Variants in PXDN observed in about 807,000 individuals in gnomAD.
The protein encoded by PXDN is peroxidasin.
PXDN carries 77 observed loss-of-function variants against 140.3 expected under a neutral mutation model. That is an observed-to-expected ratio of 0.55 (90% CI 0.46 to 0.66). The LOEUF is 0.66. Among genes scored for constraint, PXDN ranks in the 30% least tolerant of loss-of-function variants. The pLI is 0.00. For synonymous variants in PXDN, 911 were observed against 857.4 expected, an observed-to-expected ratio of 1.06 and a Z score of -1.09; for missense variants, 1,838 against 2,039.5, an observed-to-expected ratio of 0.90 and a Z score of 1.90.
intron 14 of PXDN, among the ~76,000 whole-genome samples, chr2:1,659,728 TTAATTTTAC>T (rs1683259032): frequency 1.3e-5 from 2 of 152,052 alleles, no homozygotes; most frequent in African/African-American, 4.8e-5. Flanking sequence ...AATTTTACAC[TTAATTTTAC>T]ATCAACTTTA....
intron 1 of PXDN, among the ~76,000 whole-genome samples, chr2:1,740,377 GACTC>G (rs1249623465): frequency 6.6e-6 from 1 of 152,128 alleles, no homozygotes; most frequent in Non-Finnish European, 1.5e-5. Context: ...GGACCCATGT[GACTC>G]ACTCAGGCGA....
chr2:1,657,773 T>C (rs1227991871), intron 14 of PXDN, among the ~76,000 whole-genome samples: 1 of 131,946 alleles, frequency 7.6e-6, no homozygotes, highest in Non-Finnish European at 1.5e-5. Flanking sequence ...AGTCCTTTCC[T>C]GACAGGAACC....
At position 1,635,106 on chromosome 2, in the gene PXDN, A is replaced by G. The variant is rs1682514497; in HGVS notation, c.4320+302T>C. ...TCCATGGCATGAGTATTCCTGCCAC[A>G]GCTGGTGGGAGGTGAAGCCAGTGCA... is the stretch of plus-strand genomic sequence containing the variant. On this transcript the variant is annotated intron_variant, in intron 22 of 22. Coordinates refer to ENST00000252804, the MANE Select transcript of PXDN (RefSeq NM_012293.3). Among the ~76,000 whole-genome samples, 3 of 150,516 alleles carry G rather than the reference A, an allele frequency of 2.0e-5. No homozygotes were observed. The South Asian group carries it at 6.2e-4, about 31-fold the overall frequency.
chr2:1,716,283 C>T (rs1038332830), intron 1 of PXDN, among the ~76,000 whole-genome samples: 2 of 151,724 alleles, frequency 1.3e-5, no homozygotes, highest in Non-Finnish European at 2.9e-5. Context: ...TATAAAAATA[C>T]AAAAATTAGC....
chr2:1,667,357 T>C (rs1376938701), intron 9 of PXDN, among the ~76,000 whole-genome samples: 1 of 152,016 alleles, frequency 6.6e-6, no homozygotes, highest in African/African-American at 2.4e-5. Context: ...AAAGGGGATA[T>C]CACCCCTGAT....
chr2:1,732,423 C>CAT (rs1558531359), intron 1 of PXDN, among the ~76,000 whole-genome samples: 2 of 149,994 alleles, frequency 1.3e-5, no homozygotes, highest in African/African-American at 4.9e-5. Flanking sequence ...CACACACACA[C>CAT]GGGGCCAGAA....
chr2:1,686,569 A>G (rs1304533005), intron 4 of PXDN, among the ~76,000 whole-genome samples: 1 of 152,168 alleles, frequency 6.6e-6, no homozygotes, highest in Non-Finnish European at 1.5e-5. Flanking sequence ...CTTGTTGGAT[A>G]TGAGAACTTG....
chr2:1,667,921 T>C (rs1017512842), intron 9 of PXDN, among the ~76,000 whole-genome samples: 20 of 152,182 alleles, frequency 1.3e-4, no homozygotes, highest in African/African-American at 4.1e-4. Context: ...CAAGCTACCA[T>C]TGACTTTCTT....
At chr2:1,638,712 G>A (rs74971871) in intron 21 of PXDN, 134 bp downstream of exon 21, 2 of 1,376,170 alleles carry the variant, frequency 1.5e-6, no homozygotes, top group Non-Finnish European at 2.0e-6. Context: ...CACCCCCAAG[G>A]CTCCAGGGTC....
intron 6 of PXDN, among the ~76,000 whole-genome samples, chr2:1,682,222 C>G (rs1375489121): frequency 6.6e-6 from 1 of 152,148 alleles, no homozygotes; most frequent in Non-Finnish European, 1.5e-5. Flanking sequence ...GTCTTGGCTA[C>G]TTTCTAGAGC....
At chr2:1,697,602 A>G (rs185363912) in intron 1 of PXDN, among the ~76,000 whole-genome samples, 1 of 108,038 alleles carries the variant, frequency 9.3e-6, no homozygotes, top group African/African-American at 3.3e-5. Flanking sequence ...AGTTCCACAA[A>G]TAATCCTAAC....
chr2:1,713,424 G>C (rs1472257649), intron 1 of PXDN, among the ~76,000 whole-genome samples: 1 of 152,192 alleles, frequency 6.6e-6, no homozygotes, highest in Non-Finnish European at 1.5e-5. Context: ...CGGCTCAGAG[G>C]TCTTCCTGCC....
Position 1,713,002 on chromosome 2 carries a change from G to C in PXDN, c.201-19868C>G, listed in dbSNP as rs187857190. 4.3e-3 allele frequency among the ~76,000 whole-genome samples: 648 copies of C among 152,328 alleles called. 5 individuals carry two copies. The highest frequency in any genetic ancestry group is 0.015 in the African/African-American group (613 of 41,578). ...GGCCTCCCAAAGTGCTGGGACTACA[G>C]GCGTGAGCCACTGTGTCCGGCCGTT... On this transcript the variant is annotated intron_variant, in intron 1 of 22. Transcript: ENST00000252804.
rs750450892 is a variant in PXDN, at chr2:1,648,287, G to T, written c.3493C>A (p.His1165Asn). 6.2e-7 allele frequency: 1 copy of T among 1,613,914 alleles called. No homozygotes were observed. Among genetic ancestry groups the T allele is most frequent in the Admixed American group, 1.7e-5 (1 of 60,024 alleles). ...TAGTCGTGGTAGGGTGGGATCCCGT[G>T]GTCCCGGCCCCGCTGGATGTTGATG... The part of the protein sequence containing the change: ...AAINIQRGRD[H>N]GIPPYHDYRV... Residue 1165 changes from histidine (H) to asparagine (N), a missense_variant, in exon 17 of 23, where the codon CAC (histidine) becomes AAC (asparagine). His to Asn is a moderately conservative substitution (Grantham distance 68, BLOSUM62 1). Transcript: ENST00000252804. The surrounding 1 kb of genome is among the most constrained non-coding windows in gnomAD (Gnocchi z 8.9).
chr2:1,715,643 C>G (rs1684876790), intron 1 of PXDN, among the ~76,000 whole-genome samples: 1 of 152,172 alleles, frequency 6.6e-6, no homozygotes, highest in Non-Finnish European at 1.5e-5. Flanking sequence ...GGAGCCTGGT[C>G]TCCAGCCCTG....
Position 1,648,395 on chromosome 2 carries a change from G to A in PXDN, c.3385C>T (p.Arg1129Cys), listed in dbSNP as rs375850501. 13 of 1,612,338 alleles carry A rather than the reference G, an allele frequency of 8.1e-6. No individual in the cohort carries two copies. Among genetic ancestry groups the A allele is most frequent in the South Asian group, 2.2e-5 (2 of 91,082 alleles). Reference protein sequence around the residue: ...RGLFGVAGKMRVPSQLLNTEL... With the variant: ...RGLFGVAGKMCVPSQLLNTEL... ...GTGTTCAGCAGCTGCGAGGGCACAC[G>A]CATTTTCCCCGCCACCCCGAACAGC... Residue 1129 changes from arginine (R) to cysteine (C), a missense_variant, in exon 17 of 23, where the codon CGT becomes TGT. Around this residue, in one of 5 missense-constraint regions of PXDN, gnomAD observed 850 missense variants for 894.1 expected, o/e 0.95. Coordinates refer to ENST00000252804, the MANE Select transcript of PXDN (RefSeq NM_012293.3). The surrounding 1 kb of genome is among the most constrained non-coding windows in gnomAD (Gnocchi z 8.9).
chr2:1,725,668 G>A (rs1318013742), intron 1 of PXDN, among the ~76,000 whole-genome samples: 1 of 152,064 alleles, frequency 6.6e-6, no homozygotes, highest in African/African-American at 2.4e-5. Context: ...AAATTTTCGC[G>A]ACCTACTCTT....
chr2:1,679,605 G>A (rs1230915680), intron 7 of PXDN, among the ~76,000 whole-genome samples: 1 of 142,202 alleles, frequency 7.0e-6, no homozygotes, highest in Non-Finnish European at 1.5e-5. Flanking sequence ...ATGTGCGTGT[G>A]TGTGTGTGTG....
chr2:1,704,265 G>A (rs1177009278), intron 1 of PXDN, among the ~76,000 whole-genome samples: 1 of 43,304 alleles, frequency 2.3e-5, no homozygotes, highest in Non-Finnish European at 4.1e-5. Context: ...GTGAAGGGGG[G>A]GACAGCTCCA....
Sources: allele counts gnomAD v4.1 joint callset (sites outside exome capture counted in the v4.1 genomes callset), GRCh38; gene constraint gnomAD v4.1.1; regional missense constraint gnomAD v4.1.1; non-coding constraint Gnocchi (gnomAD v3.1); transcripts MANE v1.5; gene names NCBI Gene and HGNC (gene_info 2026-07-23, HGNC 2026-07-21).